Variants in PDS5B observed in about 807,000 individuals in gnomAD.
PDS5B encodes PDS5 cohesin associated factor B.
PDS5B carries 51 observed loss-of-function variants against 184.1 expected under a neutral mutation model. That is an observed-to-expected ratio of 0.28 (90% CI 0.22 to 0.35). The LOEUF is 0.35. Among genes scored for constraint, PDS5B ranks in the 10% least tolerant of loss-of-function variants. The pLI is 1.00. For synonymous variants in PDS5B, 566 were observed against 569.2 expected (o/e 0.99, Z 0.08); for missense variants, 1,180 against 1,723.3 (o/e 0.68, Z 5.58).
chr13:32,750,441 G>GGGC (rs1402867511), intron 24 of PDS5B, among the ~76,000 whole-genome samples: 1 of 152,142 alleles, frequency 6.6e-6, no homozygotes, highest in African/African-American at 2.4e-5. Context: ...CTGATACTGA[G>GGGC]GGCGGGGTGA....
chr13:32,695,842 T>C (rs1951686243), intron 14 of PDS5B, among the ~76,000 whole-genome samples: 1 of 152,094 alleles, frequency 6.6e-6, no homozygotes, highest in African/African-American at 2.4e-5. Context: ...TCAATTCAGC[T>C]AGAATGTTTT....
intron 31 of PDS5B, 76 bp from the exon 32 acceptor site, chr13:32,770,045 T>C: frequency 7.6e-7 from 1 of 1,312,328 alleles, no homozygotes; most frequent in African/African-American, 1.5e-5. Flanking sequence ...AGATAACAGA[T>C]TTTTTTGTTT....
chr13:32,737,169 A>T (rs775278640), intron 21 of PDS5B, among the ~76,000 whole-genome samples: 3 of 143,862 alleles, frequency 2.1e-5, no homozygotes, highest in Admixed American at 7.2e-5. Context: ...TGTTGAGATA[A>T]TGTGAGGCTT....
intron 31 of PDS5B, among the ~76,000 whole-genome samples, chr13:32,765,061 A>G (rs1384004945): frequency 6.6e-6 from 1 of 152,214 alleles, no homozygotes; most frequent in African/African-American, 2.4e-5. Context: ...GTCCTTGTTC[A>G]GTTTTTAAAT....
At chr13:32,689,678 G>A (rs1457120562) in intron 13 of PDS5B, 2 of 152,096 alleles carry the variant, frequency 1.3e-5, no homozygotes, top group Non-Finnish European at 2.9e-5. Flanking sequence ...ACTCAATCCT[G>A]CTTGGTTCCA....
At chr13:32,636,901 A>T (rs2058570801) in intron 1 of PDS5B, among the ~76,000 whole-genome samples, 1 of 152,212 alleles carries the variant, frequency 6.6e-6, no homozygotes, top group Admixed American at 6.5e-5. Context: ...TTGACAGGTG[A>T]GACTTGAAAG....
At chr13:32,595,286 C>T (rs1408918006) in intron 1 of PDS5B, among the ~76,000 whole-genome samples, 1 of 152,068 alleles carries the variant, frequency 6.6e-6, no homozygotes, top group African/African-American at 2.4e-5. Context: ...GTTACCAAAT[C>T]CTGTTGATTC....
intron 1 of PDS5B, among the ~76,000 whole-genome samples, chr13:32,620,854 CTTCT>C (rs1593274253): frequency 6.6e-6 from 1 of 152,038 alleles, no homozygotes; most frequent in Admixed American, 6.5e-5. Context: ...ACATAGTTTT[CTTCT>C]TTCTATCTGG....
intron 1 of PDS5B, among the ~76,000 whole-genome samples, chr13:32,619,541 G>A (rs184448074): frequency 3.7e-4 from 56 of 152,250 alleles, no homozygotes; most frequent in African/African-American, 1.3e-3. Flanking sequence ...AGTGGTGAGC[G>A]AATGTGAAGG....
chr13:32,629,632 A>G (rs1478109012), intron 1 of PDS5B, among the ~76,000 whole-genome samples: 2 of 152,164 alleles, frequency 1.3e-5, no homozygotes. Context: ...CTTATGGTTG[A>G]TATTTCTTAT....
At position 32,681,024 on chromosome 13, in the gene PDS5B, G is replaced by T. The variant is rs549834348; in HGVS notation, c.1057+2095G>T. Among the ~76,000 whole-genome samples the T allele has an allele frequency of 3.3e-5, 5 of 152,208 alleles. No homozygotes were observed. In the East Asian group the frequency reaches 9.7e-4, roughly 29 times the overall value. ...ATGTTAGGTTACATAGGCCGCAAAG[G>T]ATTTATACTGACTGAGTAGGAGAGA... On this transcript the variant is annotated intron_variant, in intron 10 of 34. Transcript: ENST00000315596.
intron 24 of PDS5B, among the ~76,000 whole-genome samples, chr13:32,749,289 A>G (rs1350046300): frequency 6.6e-6 from 1 of 152,140 alleles, no homozygotes; most frequent in Non-Finnish European, 1.5e-5. Flanking sequence ...GTGCTCAGAC[A>G]CAACCTTCTT....
intron 1 of PDS5B, among the ~76,000 whole-genome samples, chr13:32,589,346 ATC>A (rs1172340571): frequency 6.6e-6 from 1 of 152,174 alleles, no homozygotes; most frequent in East Asian, 1.9e-4. Flanking sequence ...ATTACCCTCC[ATC>A]CCCTTCTCAC....
At chr13:32,766,035 C>G (rs1954576369) in intron 31 of PDS5B, among the ~76,000 whole-genome samples, 1 of 152,212 alleles carries the variant, frequency 6.6e-6, no homozygotes, top group Admixed American at 6.5e-5. Context: ...ATCTTGTTAT[C>G]TGGATTTACA....
At chr13:32,591,398 T>A (rs1247882572) in intron 1 of PDS5B, among the ~76,000 whole-genome samples, 1 of 152,200 alleles carries the variant, frequency 6.6e-6, no homozygotes, top group Non-Finnish European at 1.5e-5. Context: ...ATTACAGGCA[T>A]GAGCCACCAC....
chr13:32,678,509 C>T lies in PDS5B; in HGVS notation c.963-326C>T, dbSNP rs1211096714. Among the ~76,000 whole-genome samples the T allele has an allele frequency of 2.0e-5, 3 of 152,164 alleles. No individual in the cohort carries two copies. In the South Asian group the frequency reaches 6.2e-4, roughly 32 times the overall value. ...GATGTTTCTATGAACTATATATGCA[C>T]ACTTGCATAAATAGATGTATTTGAG... is the stretch of plus-strand genomic sequence containing the variant. On this transcript the variant is annotated intron_variant, in intron 9 of 34. Coordinates refer to ENST00000315596, the MANE Select transcript of PDS5B (RefSeq NM_015032.4).
chr13:32,714,618 G>A (rs1364677708), intron 19 of PDS5B, among the ~76,000 whole-genome samples: 5 of 152,136 alleles, frequency 3.3e-5, no homozygotes, highest in Admixed American at 1.3e-4. Context: ...GATGTTCCAT[G>A]CTGAGAAAAA....
intron 1 of PDS5B, among the ~76,000 whole-genome samples, chr13:32,645,992 G>GGGTGTGTGGTGTGTGGTGTGTGGTGTGT (rs138850221): frequency 6.7e-6 from 1 of 150,176 alleles, no homozygotes. Context: ...GTGGGTGTGT[G>GGGTGTGTGGTGTGTGGTGTGTGGTGTGT]GGTGTGTGGT....
At chr13:32,682,906 T>C (rs1199524358) in intron 10 of PDS5B, among the ~76,000 whole-genome samples, 1 of 152,238 alleles carries the variant, frequency 6.6e-6, no homozygotes, top group East Asian at 1.9e-4. Context: ...TCCTTTTCCT[T>C]TGTCCTGTGA....
Sources: allele counts gnomAD v4.1 joint callset (sites outside exome capture counted in the v4.1 genomes callset), GRCh38; gene constraint gnomAD v4.1.1; transcripts MANE v1.5; gene names NCBI Gene and HGNC (gene_info 2026-07-23, HGNC 2026-07-21).